The following ADAM23 variants were observed in gnomAD, a reference collection of about 807,000 sequenced individuals.
The protein encoded by ADAM23 is ADAM metallopeptidase domain 23, also known as disintegrin and metalloproteinase domain-containing protein 23.
ADAM23 carries 33 observed loss-of-function variants against 120.1 expected under a neutral mutation model. That is an observed-to-expected ratio of 0.27 (90% CI 0.21 to 0.37). The LOEUF is 0.37. Ranked by LOEUF, ADAM23 falls within the 10% of genes least tolerant of loss-of-function variation. The probability of loss-of-function intolerance (pLI) is 1.00; values close to 1 mark genes in which losing one functional copy is unlikely to be tolerated. For missense variants in ADAM23, 862 were observed against 1,058.2 expected (o/e 0.81, Z 2.57); for synonymous variants, 367 against 375.2 (o/e 0.98, Z 0.25).
intron 3 of ADAM23, among the ~76,000 whole-genome samples, chr2:206,513,329 AATG>A (rs1211116630): frequency 2.0e-5 from 3 of 152,284 alleles, no homozygotes; most frequent in African/African-American, 7.2e-5. Flanking sequence ...TGAACACAGG[AATG>A]ATAAGAAAGT....
At chr2:206,553,075 G>A (rs1196915277) in intron 9 of ADAM23, among the ~76,000 whole-genome samples, 1 of 151,996 alleles carries the variant, frequency 6.6e-6, no homozygotes, top group Non-Finnish European at 1.5e-5. Flanking sequence ...AGAGGGAATC[G>A]ATGTTTAAAA....
intron 18 of ADAM23, among the ~76,000 whole-genome samples, chr2:206,585,496 A>T (rs1250704838): frequency 6.6e-6 from 1 of 152,218 alleles, no homozygotes; most frequent in African/African-American, 2.4e-5. Flanking sequence ...TTTGCCTTGG[A>T]ATGTTTGTTA....
intron 10 of ADAM23, among the ~76,000 whole-genome samples, chr2:206,558,748 A>C (rs1201398450): frequency 1.3e-5 from 2 of 152,196 alleles, no homozygotes; most frequent in Non-Finnish European, 2.9e-5. Context: ...ACATCATGCA[A>C]AGTGTAATTT....
chr2:206,607,372 G>GC (rs1315906460), intron 24 of ADAM23, among the ~76,000 whole-genome samples: 1 of 152,196 alleles, frequency 6.6e-6, no homozygotes, highest in Non-Finnish European at 1.5e-5. Flanking sequence ...CTCCATGCAT[G>GC]CATTTATGTG....
intron 2 of ADAM23, among the ~76,000 whole-genome samples, chr2:206,461,789 G>A (rs577769379): frequency 6.6e-6 from 1 of 152,276 alleles, no homozygotes; most frequent in African/African-American, 2.4e-5. Context: ...ATTAGGGATT[G>A]TTTGTTATTC....
intron 15 of ADAM23, among the ~76,000 whole-genome samples, chr2:206,569,442 T>C (rs1431128316): frequency 1.3e-5 from 2 of 152,234 alleles, no homozygotes; most frequent in African/African-American, 4.8e-5. Flanking sequence ...GAAGTGACTT[T>C]TTCCCCCAAG....
At chr2:206,478,308 T>C (rs940040611) in intron 2 of ADAM23, among the ~76,000 whole-genome samples, 4 of 152,136 alleles carry the variant, frequency 2.6e-5, no homozygotes, top group African/African-American at 9.7e-5. Context: ...ACAAAGAAGA[T>C]GAATATGGTG....
At chr2:206,476,912 G>A (rs1210807690) in intron 2 of ADAM23, among the ~76,000 whole-genome samples, 1 of 152,154 alleles carries the variant, frequency 6.6e-6, no homozygotes, top group Non-Finnish European at 1.5e-5. Flanking sequence ...TTGCCAAGTA[G>A]TGAAGAATAC....
intron 24 of ADAM23, among the ~76,000 whole-genome samples, chr2:206,599,370 T>C (rs548813600): frequency 6.6e-6 from 1 of 152,286 alleles, no homozygotes; most frequent in African/African-American, 2.4e-5. Context: ...AAATTGAAAA[T>C]GTCATTAAAT....
intron 2 of ADAM23, among the ~76,000 whole-genome samples, chr2:206,477,897 A>AAAAAAAAAAAAAAAAAAATATATATAT (rs374524658): frequency 1.1e-5 from 1 of 93,604 alleles, no homozygotes; most frequent in African/African-American, 5.2e-5. Flanking sequence ...AAAAAAAAAA[A>AAAAAAAAAAAAAAAAAAATATATATAT]ATATATATAT....
intron 6 of ADAM23, among the ~76,000 whole-genome samples, chr2:206,546,787 AAATT>A (rs1646163104): frequency 6.6e-6 from 1 of 152,182 alleles, no homozygotes; most frequent in Non-Finnish European, 1.5e-5. Context: ...TGTCAGGACT[AAATT>A]AAATAATGTG....
At chr2:206,564,733 T>C (rs1471370302) in intron 13 of ADAM23, among the ~76,000 whole-genome samples, 1 of 152,174 alleles carries the variant, frequency 6.6e-6, no homozygotes, top group Admixed American at 6.5e-5. Flanking sequence ...CACTAAACAT[T>C]AGAACTAGGA....
chr2:206,472,455 A>AG (rs1396839546), intron 2 of ADAM23, among the ~76,000 whole-genome samples: 2 of 151,926 alleles, frequency 1.3e-5, no homozygotes, highest in Non-Finnish European at 2.9e-5. Context: ...ACTAAAAAAA[A>AG]AACAAAAATT....
At chr2:206,498,232 G>A (rs1696301553) in intron 3 of ADAM23, among the ~76,000 whole-genome samples, 1 of 152,128 alleles carries the variant, frequency 6.6e-6, no homozygotes, top group South Asian at 2.1e-4. Flanking sequence ...GAGGCATCGA[G>A]CTACTTGACT....
At chr2:206,449,161 C>A (rs1695141597) in intron 2 of ADAM23, among the ~76,000 whole-genome samples, 1 of 152,090 alleles carries the variant, frequency 6.6e-6, no homozygotes, top group South Asian at 2.1e-4. Flanking sequence ...TCCCATACGT[C>A]AGATGTCAGA....
At chr2:206,535,172 G>A (rs938536176) in intron 4 of ADAM23, among the ~76,000 whole-genome samples, 4 of 152,120 alleles carry the variant, frequency 2.6e-5, no homozygotes, top group African/African-American at 7.2e-5. Flanking sequence ...CTCTCCTCCA[G>A]TATAGCTCTA....
intron 11 of ADAM23, 24 bp downstream of exon 11, chr2:206,560,142 G>T (rs1220879348): frequency 1.2e-6 from 2 of 1,601,294 alleles, no homozygotes; most frequent in African/African-American, 2.7e-5. Flanking sequence ...TCAGCCTTTA[G>T]TGTAGTCTTT....
In ADAM23 at chr2:206,567,383, A is replaced by G; in HGVS notation, c.1494+61A>G. On this transcript the variant is annotated intron_variant, in intron 15 of 25. Coordinates refer to ENST00000264377, the MANE Select transcript of ADAM23 (RefSeq NM_003812.4). ...TATTTCTCCAGTGTTTTACAGTGCA[A>G]CAGTGCTGGATATCAGACGCCTGTC... The G allele has an allele frequency of 3.6e-6, 5 of 1,375,858 alleles. No individual in the cohort carries two copies. The South Asian group carries it at 6.1e-5, about 17-fold the overall frequency. 85.2% of individuals were successfully genotyped at this position (1,375,858 alleles called of 1,614,324 possible).
chr2:206,502,058 A>G (rs1354248008), intron 3 of ADAM23, among the ~76,000 whole-genome samples: 1 of 152,168 alleles, frequency 6.6e-6, no homozygotes, highest in African/African-American at 2.4e-5. Context: ...AATGTCAAAA[A>G]TGCACTAACT....
Sources: gnomAD v4.1 joint callset for allele counts (sites outside exome capture counted in the v4.1 genomes callset) on GRCh38, gnomAD v4.1.1 for gene constraint, MANE v1.5 for transcripts, NCBI Gene and HGNC (gene_info 2026-07-23, HGNC 2026-07-21) for gene names.